DGKG: variants seen among roughly 807,000 people sequenced by gnomAD.
DGKG encodes DAG kinase gamma.
Under a neutral mutation model 105.3 loss-of-function variants are expected in DGKG, and 78 were observed. That is an observed-to-expected ratio of 0.74 (90% CI 0.62 to 0.89). The LOEUF (loss-of-function observed/expected upper bound fraction) is 0.89. Ranked by LOEUF, DGKG falls within the 40% of genes least tolerant of loss-of-function variation. The probability of loss-of-function intolerance (pLI) is 0.00; values close to 1 mark genes in which losing one functional copy is unlikely to be tolerated. For synonymous variants in DGKG, 346 were observed against 367.1 expected, an observed-to-expected ratio of 0.94 and a Z score of 0.66; for missense variants, 958 against 1,020.1, an observed-to-expected ratio of 0.94 and a Z score of 0.83.
rs1462142330 is a variant in DGKG, at chr3:186,203,843, C to A, written c.1917+7952G>T. On this transcript the variant is annotated intron_variant, in intron 21 of 24. Coordinates refer to ENST00000265022, the MANE Select transcript of DGKG (RefSeq NM_001346.3). This position sits in a 1 kb window ranked among gnomAD's most constrained non-coding sequence, Gnocchi z 4.9. ...ACTGTGGCGGCATGGACAGGCTGTA[C>A]GTCAGCCAATTCCTACTTTCCTTAC... is the stretch of plus-strand genomic sequence containing the variant. 1.3e-5 allele frequency among the ~76,000 whole-genome samples: 2 copies of A among 152,210 alleles called. No individual in the cohort carries two copies. Among genetic ancestry groups the A allele is most frequent in the Admixed American group, 6.5e-5 (1 of 15,280 alleles).
At chr3:186,269,179 G>T (rs928011630) in intron 11 of DGKG, among the ~76,000 whole-genome samples, 7 of 152,356 alleles carry the variant, frequency 4.6e-5, no homozygotes, top group South Asian at 2.1e-4. Flanking sequence ...TGGAAGGCAG[G>T]CCTCTGAGCA....
chr3:186,250,826 A>G (rs189785002), intron 19 of DGKG, among the ~76,000 whole-genome samples: 1 of 152,128 alleles, frequency 6.6e-6, no homozygotes, highest in Non-Finnish European at 1.5e-5. Context: ...CTGGGATTGC[A>G]GGCGTGAGCT....
intron 21 of DGKG, among the ~76,000 whole-genome samples, chr3:186,193,675 C>T (rs944977394): frequency 6.6e-6 from 1 of 152,314 alleles, no homozygotes. Flanking sequence ...GAAAGTGGAG[C>T]CGAGCCCGGG....
In DGKG at chr3:186,267,783, G is replaced by A; in HGVS notation, c.1117-6C>T. ...AATTCACATTTGCGGTGAAACTGGG[G>A]GGAGAAATGAAAAAGAGAGTGAGTG... On this transcript the variant is annotated splice_region_variant and splice_polypyrimidine_tract_variant and intron_variant, in intron 12 of 24. Transcript: ENST00000265022. 6.2e-7 allele frequency: 1 copy of A among 1,613,348 alleles called. No individual in the cohort carries two copies. Among genetic ancestry groups the A allele is most frequent in the Non-Finnish European group, 8.5e-7 (1 of 1,179,364 alleles).
At chr3:186,215,180 G>A (rs574690600) in intron 20 of DGKG, among the ~76,000 whole-genome samples, 166 of 152,284 alleles carry the variant, frequency 1.1e-3, no homozygotes, top group Non-Finnish European at 2.0e-3. Flanking sequence ...GGAGGCAGAG[G>A]CAGGAGGATC....
intron 9 of DGKG, among the ~76,000 whole-genome samples, chr3:186,277,820 C>T (rs1578766459): frequency 6.6e-6 from 1 of 152,118 alleles, no homozygotes. Context: ...GGGAGAGAGT[C>T]TGTTTTGCAA....
intron 22 of DGKG, among the ~76,000 whole-genome samples, chr3:186,172,672 A>G (rs1037986764): frequency 6.6e-6 from 1 of 152,364 alleles, no homozygotes; most frequent in East Asian, 1.9e-4. Flanking sequence ...TTAGAAATGC[A>G]AACAGGAATT....
intron 3 of DGKG, among the ~76,000 whole-genome samples, chr3:186,302,277 A>G (rs1040462245): frequency 6.6e-6 from 1 of 151,814 alleles, no homozygotes; most frequent in South Asian, 2.1e-4. Flanking sequence ...AGGGTTCTTC[A>G]TAGGTATTTG....
intron 1 of DGKG, among the ~76,000 whole-genome samples, chr3:186,346,978 G>A (rs1726365885): frequency 6.6e-6 from 1 of 151,818 alleles, no homozygotes; most frequent in South Asian, 2.1e-4. Flanking sequence ...AATGATTTTT[G>A]TATTAAATTT....
At chr3:186,342,233 C>T (rs575069856) in intron 1 of DGKG, among the ~76,000 whole-genome samples, 36 of 152,228 alleles carry the variant, frequency 2.4e-4, no homozygotes, top group South Asian at 4.2e-4. Context: ...TGATTTGTTA[C>T]GGAAATTCAC....
At chr3:186,280,849 G>A (rs1722800233) in intron 7 of DGKG, 105 bp from the exon 8 acceptor site, 3 of 894,592 alleles carry the variant, frequency 3.4e-6, no homozygotes, top group Admixed American at 2.1e-5. Context: ...ACAGGGCAGG[G>A]CAAGAGAAGA....
intron 20 of DGKG, among the ~76,000 whole-genome samples, chr3:186,214,830 A>C (rs537858210): frequency 4.6e-5 from 7 of 152,358 alleles, no homozygotes; most frequent in Admixed American, 2.6e-4. Context: ...ACATCTGGAA[A>C]AGACAGACAG....
intron 13 of DGKG, among the ~76,000 whole-genome samples, chr3:186,265,657 C>CT (rs68014632): frequency 0.012 from 929 of 77,166 alleles, 15 homozygotes; most frequent in South Asian, 0.017. Context: ...TTCTTCCTTT[C>CT]TTTTTTTTTT....
rs142463581 is a variant in DGKG, at chr3:186,203,333, C to T, written c.1917+8462G>A. 4.3e-3 allele frequency among the ~76,000 whole-genome samples: 651 copies of T among 152,294 alleles called. 7 individuals carry two copies. Among genetic ancestry groups the T allele is most frequent in the African/African-American group, 0.015 (622 of 41,558 alleles). On this transcript the variant is annotated intron_variant, in intron 21 of 24. Transcript: ENST00000265022. This position sits in a 1 kb window ranked among gnomAD's most constrained non-coding sequence, Gnocchi z 4.9. ...ATAAAGAAACAAGGGCTAACATTAC[C>T]CTAAGATTGAAACGAGGCCAATGTT... is the stretch of plus-strand genomic sequence containing the variant.
At chr3:186,280,612 G>A in intron 8 of DGKG, 58 bp downstream of exon 8, 1 of 1,350,790 alleles carries the variant, frequency 7.4e-7, no homozygotes, top group Middle Eastern at 2.1e-4. Flanking sequence ...TCTTGAGTGT[G>A]TCCCCCTCCC....
intron 3 of DGKG, among the ~76,000 whole-genome samples, chr3:186,299,841 T>TTCCTTCCTTC (rs1723827570): frequency 1.3e-5 from 1 of 74,614 alleles, no homozygotes; most frequent in African/African-American, 5.9e-5. Context: ...TTCTTTCTTT[T>TTCCTTCCTTC]TTTTTTTTTT....
chr3:186,208,996 C>G (rs1013328262), intron 21 of DGKG, among the ~76,000 whole-genome samples: 4 of 151,116 alleles, frequency 2.6e-5, no homozygotes, highest in Non-Finnish European at 5.9e-5. Flanking sequence ...TGCCTTGCTG[C>G]GTTGTCATAG....
rs191601266 is a variant in DGKG at position 186,206,600 on chromosome 3, C to A, written c.1917+5195G>T. Among the ~76,000 whole-genome samples, 855 of 152,134 alleles carry A rather than the reference C, an allele frequency of 5.6e-3. 11 individuals are homozygous for A. Among genetic ancestry groups the A allele is most frequent in the African/African-American group, 0.02 (819 of 41,476 alleles). On this transcript the variant is annotated intron_variant, in intron 21 of 24. Coordinates refer to ENST00000265022, the MANE Select transcript of DGKG (RefSeq NM_001346.3). ...TGTGTGCCTCCCTCGCCCCACCCCC[C>A]ACCTGCTTAATCAGGTGAAATCAGG... is the stretch of plus-strand genomic sequence containing the variant.
Position 186,148,512 on chromosome 3 carries a change from G to A in DGKG, c.*1578C>T, listed in dbSNP as rs1419532923. On this transcript the variant is annotated 3_prime_UTR_variant, in exon 25 of 25. Coordinates refer to ENST00000265022, the MANE Select transcript of DGKG (RefSeq NM_001346.3). Reference sequence around the variant, plus strand: ...CCATCCACGCATGTGCTGTACGTTTGTTCCTCCCTGGCAACCTGGATCCAA... The same window carrying A: ...CCATCCACGCATGTGCTGTACGTTTATTCCTCCCTGGCAACCTGGATCCAA... 1.0e-6 allele frequency: 1 copy of A among 985,464 alleles called. No homozygotes were observed. The highest frequency in any genetic ancestry group is 1.1e-4 in the East Asian group (1 of 8,812). The allele number at this position is 985,464 out of a possible 1,614,324, so 61.0% of individuals were successfully genotyped here.
Sources: gnomAD v4.1 joint callset for allele counts (sites outside exome capture counted in the v4.1 genomes callset) on GRCh38, gnomAD v4.1.1 for gene constraint, Gnocchi (gnomAD v3.1) non-coding constraint, MANE v1.5 for transcripts, NCBI Gene and HGNC (gene_info 2026-07-23, HGNC 2026-07-21) for gene names.